The following NR2C2AP variants were observed in gnomAD, a reference collection of about 807,000 sequenced individuals.
NR2C2AP encodes nuclear receptor 2C2-associated protein.
Under a neutral mutation model 19.1 loss-of-function variants are expected in NR2C2AP, and 13 were observed. The observed-to-expected ratio is 0.68, with a 90% CI of 0.44 to 1.08. NR2C2AP has a LOEUF of 1.08. NR2C2AP is among the 50% of genes least tolerant of loss of function. The pLI is 0.00. For missense variants in NR2C2AP, 181 were observed against 172.7 expected (o/e 1.05, Z -0.27); for synonymous variants, 81 against 64.4 (o/e 1.26, Z -1.23).
intron 2 of NR2C2AP, 67 bp from the exon 3 acceptor site, chr19:19,202,642 C>T: frequency 6.9e-7 from 1 of 1,449,140 alleles, no homozygotes; most frequent in Non-Finnish European, 9.6e-7. Flanking sequence ...ATGCCTGTCT[C>T]ATTCACATAG....
chr19:19,202,839 T>C lies in NR2C2AP; in HGVS notation c.81A>G (p.Lys27=), dbSNP rs1464115103. ...CCTCATCCTGGTCGAAAAGATGTTTTTTTCCAAACTGCCGAGTGTTGCGAT... is the reference window on the plus strand; with the variant it reads ...CCTCATCCTGGTCGAAAAGATGTTTCTTTCCAAACTGCCGAGTGTTGCGAT... The part of the protein sequence containing the change: ...VLNRNTRQFG[K]KHLFDQDEET... The change falls in exon 2 of 5, where the codon AAA becomes AAG. Residue 27 remains lysine (K), a synonymous_variant. Transcript: ENST00000331552. 2 of 1,613,836 alleles carry C rather than the reference T, an allele frequency of 1.2e-6. No individual in the cohort carries two copies. The highest frequency in any genetic ancestry group is 8.5e-7 in the Non-Finnish European group (1 of 1,180,014).
intron 1 of NR2C2AP, 23 bp downstream of exon 1, chr19:19,202,994 CGCCACT>C (rs1568587792): frequency 6.2e-7 from 1 of 1,613,996 alleles, no homozygotes; most frequent in African/African-American, 1.3e-5. Context: ...CTTAGGGCCT[CGCCACT>C]GCCTGTCCCC....
At position 19,203,201 on chromosome 19, in the gene NR2C2AP, C is replaced by T. The variant is rs867402486; in HGVS notation, c.-141G>A. The T allele has an allele frequency of 1.0e-5, 8 of 797,064 alleles. 1 individual carries two copies. 49.4% of individuals were successfully genotyped at this position (797,064 alleles called of 1,614,324 possible). A position where few individuals can be genotyped will look rare whatever the true frequency, so the allele number is the denominator to read the frequency against. ...CTCACCTGTAACTTGGGACGAGAACCGCCACTCCCTCGCCCACCCCAGTCC... is the reference window on the plus strand; with the variant it reads ...CTCACCTGTAACTTGGGACGAGAACTGCCACTCCCTCGCCCACCCCAGTCC... On this transcript the variant is annotated 5_prime_UTR_variant, in exon 1 of 5. Transcript: ENST00000331552.
chr19:19,202,110 G>A (rs1333479138), intron 4 of NR2C2AP, 69 bp from the exon 5 acceptor site: 4 of 1,544,040 alleles, frequency 2.6e-6, no homozygotes, highest in Non-Finnish European at 3.6e-6. Context: ...ACCCCTTCCA[G>A]ACCCAGCTCA....
chr19:19,202,102 C>T (rs1450687030), intron 4 of NR2C2AP, 61 bp from the exon 5 acceptor site: 10 of 1,560,606 alleles, frequency 6.4e-6, no homozygotes, highest in African/African-American at 4.1e-5. Flanking sequence ...AGGCCCCCAC[C>T]CCTTCCAGAC....
Position 19,202,788 on chromosome 19 carries a change from C to T in NR2C2AP, c.129+3G>A, listed in dbSNP as rs945397752. On this transcript the variant is annotated splice_donor_region_variant and intron_variant, in intron 2 of 4. Coordinates refer to ENST00000331552, the MANE Select transcript of NR2C2AP (RefSeq NM_176880.6). ...AGATGGAGGGTCGAGGGAGGCGCCT[C>T]ACCTGGTCTGAGTTCCAACATGTCT... The T allele has an allele frequency of 1.2e-6, 2 of 1,613,048 alleles. No homozygotes were observed. The highest frequency in any genetic ancestry group is 1.3e-5 in the African/African-American group (1 of 74,908).
chr19:19,201,734 G>C lies in NR2C2AP; in HGVS notation c.*191C>G, dbSNP rs772784245. On this transcript the variant is annotated 3_prime_UTR_variant, in exon 5 of 5. Transcript: ENST00000331552. ...ACCCTGAGTGAAGGCCGCCTGCCGGGGACTCAGACACTCAGGGAACAAAAT... is the reference window on the plus strand; with the variant it reads ...ACCCTGAGTGAAGGCCGCCTGCCGGCGACTCAGACACTCAGGGAACAAAAT... The C allele has an allele frequency of 1.9e-6, 3 of 1,613,828 alleles. No individual in the cohort carries two copies.
Position 19,201,476 on chromosome 19 carries a change from AGG to A in NR2C2AP, c.*447_*448del. On this transcript the variant is annotated 3_prime_UTR_variant, in exon 5 of 5. Coordinates refer to ENST00000331552, the MANE Select transcript of NR2C2AP (RefSeq NM_176880.6). ...TACAAAAGTGCATTTTTACAAACTT[AGG>A]GGAAGTTGAGGTTCCTGGGGTGAGT... 1 of 1,579,712 alleles carries A rather than the reference AGG, an allele frequency of 6.3e-7. No individual in the cohort carries two copies. Among genetic ancestry groups the A allele is most frequent in the Non-Finnish European group, 8.5e-7 (1 of 1,170,714 alleles).
At chr19:19,202,765 A>G (rs756361511) in intron 2 of NR2C2AP, 26 bp downstream of exon 2, 28 of 1,589,224 alleles carry the variant, frequency 1.8e-5, no homozygotes, top group Non-Finnish European at 2.4e-5. Context: ...CACCCTAGAG[A>G]TGGAGGGTCG....
Position 19,203,379 on chromosome 19 carries a change from T to G in NR2C2AP, c.-319A>C. ...TTGTGCGAGGCTGTTTCTCTGCGAA[T>G]AGCTCTTGGAGCCAAATCTTGGGAC... On this transcript the variant is annotated 5_prime_UTR_variant, in exon 1 of 5. Coordinates refer to ENST00000331552, the MANE Select transcript of NR2C2AP (RefSeq NM_176880.6). The G allele has an allele frequency of 2.2e-6, 1 of 462,562 alleles. No homozygotes were observed. Among genetic ancestry groups the G allele is most frequent in the East Asian group, 4.2e-5 (1 of 23,878 alleles). 28.7% of individuals were successfully genotyped at this position (462,562 alleles called of 1,614,324 possible).
intron 2 of NR2C2AP, 23 bp from the exon 3 acceptor site, chr19:19,202,598 A>T (rs1326121770): frequency 6.3e-7 from 1 of 1,593,708 alleles, no homozygotes; most frequent in African/African-American, 1.3e-5. Context: ...AGGGAAACTG[A>T]GGCGCAAGCT....
At chr19:19,202,171 C>T in intron 4 of NR2C2AP, 130 bp from the exon 5 acceptor site, 3 of 1,191,462 alleles carry the variant, frequency 2.5e-6, no homozygotes, top group Admixed American at 1.7e-5. Flanking sequence ...CTCTAAGCCT[C>T]TCACACAGAA....
At position 19,201,795 on chromosome 19, in the gene NR2C2AP, C is replaced by CA. The variant is rs2060724324; in HGVS notation, c.*129dup. On this transcript the variant is annotated 3_prime_UTR_variant, in exon 5 of 5. Transcript: ENST00000331552. ...AGCTGGGGAAACCCAGAACTGACTT[C>CA]AAAGGCAGCTTCTGGACAGGTGGTG... is the stretch of plus-strand genomic sequence containing the variant. The CA allele has an allele frequency of 2.1e-5, 34 of 1,613,026 alleles. No homozygotes were observed. The highest frequency in any genetic ancestry group is 3.3e-5 in the Admixed American group (2 of 59,928).
At chr19:19,202,091 C>T in intron 4 of NR2C2AP, 50 bp from the exon 5 acceptor site, 1 of 1,590,128 alleles carries the variant, frequency 6.3e-7, no homozygotes, top group Admixed American at 1.7e-5. Context: ...TTCCCACCCG[C>T]AGGCCCCCAC....
intron 4 of NR2C2AP, 56 bp downstream of exon 4, chr19:19,202,275 G>A: frequency 6.5e-7 from 1 of 1,549,196 alleles, no homozygotes; most frequent in Non-Finnish European, 8.9e-7. Flanking sequence ...GGGTTTGGGT[G>A]AGTCCAAAGC....
intron 2 of NR2C2AP, 83 bp downstream of exon 2, chr19:19,202,708 C>G (rs1360637300): frequency 5.5e-6 from 8 of 1,448,184 alleles, no homozygotes; most frequent in Non-Finnish European, 7.7e-6. Flanking sequence ...CCTGGCCACC[C>G]ATGAGGGCCC....
chr19:19,202,036 G>A lies in NR2C2AP; in HGVS notation c.309C>T (p.Phe103=), dbSNP rs1279664709. ...GGTCCACTTCAGCAGCTGGTATGGG[G>A]AAAGTGTGAGCGTGGGCAGTCAAGG... The part of the protein sequence containing the change: ...YPEDNNSLQT[F]PIPAAEVDRL... Residue 103 remains phenylalanine, a synonymous_variant, in exon 5 of 5, where the codon TTC becomes TTT. Transcript: ENST00000331552. The A allele has an allele frequency of 3.1e-6, 5 of 1,614,052 alleles. No homozygotes were observed. The highest frequency in any genetic ancestry group is 4.2e-6 in the Non-Finnish European group (5 of 1,180,038).
chr19:19,202,488 G>A lies in NR2C2AP; in HGVS notation c.217C>T (p.Arg73Cys). 1.9e-6 allele frequency: 3 copies of A among 1,614,060 alleles called. No individual in the cohort carries two copies. Among genetic ancestry groups the A allele is most frequent in the Non-Finnish European group, 1.7e-6 (2 of 1,179,982 alleles). ...CTAGTACCTTCCAGGCAGCCCCGGC[G>A]ACTGGAGAAGCCACCCTGAAACTGG... Reference protein sequence around the residue: ...QIQFQGGFSSRRGCLEGSQGT... With the variant: ...QIQFQGGFSSCRGCLEGSQGT... The change falls in exon 3 of 5, where the codon CGC becomes TGC. Residue 73 changes from arginine (R) to cysteine (C), a missense_variant. Coordinates refer to ENST00000331552, the MANE Select transcript of NR2C2AP (RefSeq NM_176880.6).
intron 1 of NR2C2AP, 68 bp downstream of exon 1, chr19:19,202,955 G>T (rs2060741230): frequency 6.2e-7 from 1 of 1,609,636 alleles, no homozygotes. Context: ...CTGACCCCCA[G>T]ATCTGTCCAC....
Sources: allele counts gnomAD v4.1 joint callset, GRCh38; gene constraint gnomAD v4.1.1; transcripts MANE v1.5; gene names NCBI Gene and HGNC (gene_info 2026-07-23, HGNC 2026-07-21).